The following TNRC6A variants were observed in gnomAD, a reference collection of about 807,000 sequenced individuals.
TNRC6A encodes trinucleotide repeat containing adaptor 6A, also known as trinucleotide repeat-containing gene 6A protein.
In TNRC6A, 44 loss-of-function variants were observed where a neutral mutation model predicts 221.2. The observed-to-expected ratio is 0.20, with a 90% CI of 0.16 to 0.26. TNRC6A has a LOEUF of 0.26. Among genes scored for constraint, TNRC6A ranks in the 10% least tolerant of loss-of-function variants. The pLI, the probability that TNRC6A is intolerant of heterozygous loss-of-function variation, is 1.00. For synonymous variants in TNRC6A, 847 were observed against 838.5 expected (o/e 1.01, Z -0.18); for missense variants, 2,199 against 2,404.4 (o/e 0.91, Z 1.79).
Position 24,793,646 on chromosome 16 carries a change from T to G in TNRC6A, c.3349T>G (p.Ser1117Ala), listed in dbSNP as rs1751180850. 2 of 1,475,400 alleles carry G rather than the reference T, an allele frequency of 1.4e-6. No individual in the cohort carries two copies. Among genetic ancestry groups the G allele is most frequent in the Non-Finnish European group, 1.8e-6 (2 of 1,104,160 alleles). 91.4% of individuals were successfully genotyped at this position (1,475,400 alleles called of 1,614,324 possible). Reference protein sequence around the residue: ...SSVGPQALSKSGPKSMQDGWC... With the variant: ...SSVGPQALSKAGPKSMQDGWC... Reference sequence around the variant, plus strand: ...TGTTGGTCCACAAGCATTAAGCAAATCTGGTAAGTTATTGACAATGCCTGG... The same window carrying G: ...TGTTGGTCCACAAGCATTAAGCAAAGCTGGTAAGTTATTGACAATGCCTGG... The change falls in exon 7 of 25, where the codon TCT (serine) becomes GCT (alanine). Residue 1117 changes from serine (S) to alanine (A), a missense_variant. Physicochemically the swap from Ser to Ala is moderately conservative, Grantham distance 99 (BLOSUM62 1). Transcript: ENST00000395799.
rs570270312 is a variant in TNRC6A at position 24,696,589 on chromosome 16, C to T, written n.403-54137C>T. On this transcript the variant is annotated intron_variant and non_coding_transcript_variant, in intron 2 of 2. Transcript: ENST00000566108. The stretch of plus-strand genomic sequence containing the variant: ...CTACAAAAATTTTAAAAATTAGCCA[C>T]GCGTGGTGGCTCGCCTGTGGTTCCA... Among the ~76,000 whole-genome samples the T allele has an allele frequency of 2.1e-3, 312 of 150,620 alleles. 1 individual carries two copies. Among genetic ancestry groups the T allele is most frequent in the Non-Finnish European group, 3.8e-3 (254 of 67,620 alleles).
At chr16:24,671,026 G>A in intron 2 of TNRC6A, 3 of 384,872 alleles carry the variant, frequency 7.8e-6, no homozygotes, top group African/African-American at 2.1e-5. Flanking sequence ...TTCCTCGCCA[G>A]CCAATCTCCT....
At chr16:24,617,124 T>G (rs1317074611) in intron 1 of TNRC6A, among the ~76,000 whole-genome samples, 3 of 151,586 alleles carry the variant, frequency 2.0e-5, no homozygotes, top group Non-Finnish European at 4.4e-5. Context: ...GAGCATCTTT[T>G]TTTTTTTTGG....
intron 1 of TNRC6A, among the ~76,000 whole-genome samples, chr16:24,619,803 C>G (rs1334377784): frequency 6.6e-6 from 1 of 151,956 alleles, no homozygotes; most frequent in East Asian, 1.9e-4. Context: ...ACCGCAGGAG[C>G]AGATGTCAGA....
intron 2 of TNRC6A, among the ~76,000 whole-genome samples, chr16:24,707,909 A>G (rs927042420): frequency 6.6e-6 from 1 of 152,128 alleles, no homozygotes; most frequent in Non-Finnish European, 1.5e-5. Flanking sequence ...AAATACAAAC[A>G]TTAGCCCGGT....
At position 24,611,027 on chromosome 16, in the gene TNRC6A, G is replaced by C. The variant is rs139114858; in HGVS notation, n.276+543G>C. On this transcript the variant is annotated intron_variant and non_coding_transcript_variant, in intron 1 of 2. Coordinates refer to the TNRC6A transcript ENST00000566108. ...GGGGTTTCACCATGTTGGCCAGGCT[G>C]GTTTCGAACTCCTGACCTCCGGTGA... 9.2e-3 allele frequency among the ~76,000 whole-genome samples: 1,401 copies of C among 152,116 alleles called. 29 individuals are homozygous for C. The highest frequency in any genetic ancestry group is 0.033 in the African/African-American group (1,352 of 41,494).
chr16:24,713,804 T>C (rs1434853106), intron 2 of TNRC6A, among the ~76,000 whole-genome samples: 1 of 151,882 alleles, frequency 6.6e-6, no homozygotes, highest in African/African-American at 2.4e-5. Flanking sequence ...GTGCTACAAC[T>C]CTGTTCAATC....
chr16:24,794,823 C>A, intron 8 of TNRC6A, 104 bp downstream of exon 8: 1 of 1,094,900 alleles, frequency 9.1e-7, no homozygotes, highest in East Asian at 2.8e-5. Flanking sequence ...TCAGTACAGT[C>A]CAGGCAGCCC....
chr16:24,649,981 G>A (rs1902547556), intron 2 of TNRC6A, among the ~76,000 whole-genome samples: 1 of 151,686 alleles, frequency 6.6e-6, no homozygotes, highest in Non-Finnish European at 1.5e-5. Flanking sequence ...GCGCAACCAA[G>A]CCCAGCTAAT....
chr16:24,624,457 T>C (rs1189195095), intron 1 of TNRC6A, among the ~76,000 whole-genome samples: 4 of 150,172 alleles, frequency 2.7e-5, no homozygotes, highest in Admixed American at 2.7e-4. Context: ...CTGCTTTACT[T>C]GCTAAGGACC....
At chr16:24,690,784 A>G (rs1381570987) in intron 2 of TNRC6A, among the ~76,000 whole-genome samples, 1 of 151,556 alleles carries the variant, frequency 6.6e-6, no homozygotes, top group African/African-American at 2.4e-5. Context: ...TAAAGAGAAA[A>G]TAAGTGAAAA....
intron 8 of TNRC6A, among the ~76,000 whole-genome samples, chr16:24,795,037 T>C (rs1199379199): frequency 1.3e-5 from 2 of 152,150 alleles, no homozygotes; most frequent in East Asian, 3.9e-4. Context: ...ATGTTGACTC[T>C]TTCCATCCCA....
intron 1 of TNRC6A, among the ~76,000 whole-genome samples, chr16:24,630,401 CAT>C (rs1334825768): frequency 6.6e-6 from 1 of 152,124 alleles, no homozygotes; most frequent in East Asian, 1.9e-4. Flanking sequence ...CAGTGGCTAA[CAT>C]GTGTAATCCC....
At chr16:24,747,805 A>G (rs1474064991) in intron 2 of TNRC6A, among the ~76,000 whole-genome samples, 1 of 152,172 alleles carries the variant, frequency 6.6e-6, no homozygotes, top group African/African-American at 2.4e-5. Flanking sequence ...TCTTTTAAGT[A>G]CTAAAGGGGA....
At chr16:24,617,032 G>A (rs1190563713) in intron 1 of TNRC6A, among the ~76,000 whole-genome samples, 1 of 152,142 alleles carries the variant, frequency 6.6e-6, no homozygotes, top group African/African-American at 2.4e-5. Context: ...GATCTTTTGT[G>A]TGTGCGCTTG....
At chr16:24,652,814 A>G (rs560773603) in intron 2 of TNRC6A, among the ~76,000 whole-genome samples, 127 of 152,338 alleles carry the variant, frequency 8.3e-4, no homozygotes, top group African/African-American at 3.0e-3. Flanking sequence ...CTCCCTGTAG[A>G]TTAAGTTTAC....
At position 24,676,267 on chromosome 16, in the gene TNRC6A, C is replaced by T. The variant is rs2055418615; in HGVS notation, n.402+35258C>T. ...CTCCTTTTTGCACCAATGGAGACTT[C>T]TCAATTTCTTTCATTTTTTATTTTA... On this transcript the variant is annotated intron_variant and non_coding_transcript_variant, in intron 2 of 2. Transcript: ENST00000566108. Among the ~76,000 whole-genome samples the T allele has an allele frequency of 2.0e-5, 3 of 152,046 alleles. No homozygotes were observed. The South Asian group carries it at 6.2e-4, about 32-fold the overall frequency.
At position 24,825,030 on chromosome 16, in the gene TNRC6A, C is replaced by A. The variant is rs1475736868; in HGVS notation, c.*1223C>A. 6.6e-6 allele frequency: 1 copy of A among 152,582 alleles called. No individual in the cohort carries two copies. Among genetic ancestry groups the A allele is most frequent in the Admixed American group, 6.6e-5 (1 of 15,266 alleles). 9.5% of individuals were successfully genotyped at this position (152,582 alleles called of 1,614,324 possible). A position where few individuals can be genotyped will look rare whatever the true frequency, so the allele number is the denominator to read the frequency against. On this transcript the variant is annotated 3_prime_UTR_variant, in exon 25 of 25. Transcript: ENST00000395799. The stretch of plus-strand genomic sequence containing the variant: ...TCAAGTGGCTCCATATGTTTCTGCT[C>A]TCTCGTGACTGTGTTAATGTTTAAC...
chr16:24,747,724 A>G (rs1226453448), intron 2 of TNRC6A, among the ~76,000 whole-genome samples: 3 of 152,114 alleles, frequency 2.0e-5, no homozygotes, highest in Non-Finnish European at 4.4e-5. Flanking sequence ...GAAGAACAAA[A>G]CTTACTCCCC....
Sources: allele counts gnomAD v4.1 joint callset (sites outside exome capture counted in the v4.1 genomes callset), GRCh38; gene constraint gnomAD v4.1.1; transcripts MANE v1.5; gene names NCBI Gene and HGNC (gene_info 2026-07-23, HGNC 2026-07-21).